Variants in ULK4 observed in about 807,000 individuals in gnomAD.
ULK4 encodes unc-51 like kinase 4.
A neutral mutation model predicts 160.6 loss-of-function variants in ULK4; 133 were observed. That is an observed-to-expected ratio of 0.83 (90% CI 0.72 to 0.96). The LOEUF (loss-of-function observed/expected upper bound fraction) is 0.96, where lower values mean the gene tolerates loss of function less well. ULK4 is among the 40% of genes least tolerant of loss of function. The pLI, the probability that ULK4 is intolerant of heterozygous loss-of-function variation, is 0.00. For synonymous variants in ULK4, 534 were observed against 539.8 expected, an observed-to-expected ratio of 0.99 and a Z score of 0.15; for missense variants, 1,580 against 1,499.5, an observed-to-expected ratio of 1.05 and a Z score of -0.89.
At chr3:41,261,702 CG>C (rs938947635) in intron 35 of ULK4, among the ~76,000 whole-genome samples, 4 of 152,144 alleles carry the variant, frequency 2.6e-5, no homozygotes, top group African/African-American at 9.7e-5. Flanking sequence ...AAGCAGGAAC[CG>C]CAGAATCTCT....
intron 30 of ULK4, among the ~76,000 whole-genome samples, chr3:41,646,449 T>G (rs917820008): frequency 1.3e-5 from 2 of 152,224 alleles, no homozygotes. Flanking sequence ...CCTTCACTTA[T>G]GAAGCTTAGT....
At chr3:41,377,121 G>T (rs2081520235) in intron 35 of ULK4, among the ~76,000 whole-genome samples, 1 of 152,140 alleles carries the variant, frequency 6.6e-6, no homozygotes, top group Non-Finnish European at 1.5e-5. Context: ...ACAAGAAATT[G>T]GGAAAGGATT....
intron 31 of ULK4, among the ~76,000 whole-genome samples, chr3:41,568,494 C>T (rs1056257608): frequency 6.6e-6 from 1 of 152,182 alleles, no homozygotes; most frequent in South Asian, 2.1e-4. Context: ...ATTTTACTAT[C>T]GATCTCATGC....
At chr3:41,708,497 G>A (rs1458035191) in intron 25 of ULK4, among the ~76,000 whole-genome samples, 2 of 152,146 alleles carry the variant, frequency 1.3e-5, no homozygotes, top group African/African-American at 4.8e-5. Context: ...GTAGAGAAGA[G>A]ATGGCAGTTA....
intron 34 of ULK4, among the ~76,000 whole-genome samples, chr3:41,449,149 C>A (rs781722205): frequency 1.3e-5 from 2 of 152,094 alleles, no homozygotes; most frequent in Non-Finnish European, 2.9e-5. Flanking sequence ...AACTCCTGAC[C>A]TCAAGTGATC....
chr3:41,329,832 GC>G (rs2080408544), intron 35 of ULK4, among the ~76,000 whole-genome samples: 1 of 152,072 alleles, frequency 6.6e-6, no homozygotes. Flanking sequence ...AAAAAATAAA[GC>G]TCTTCATAAG....
At chr3:41,903,148 G>C (rs189553605) in intron 12 of ULK4, among the ~76,000 whole-genome samples, 1 of 152,242 alleles carries the variant, frequency 6.6e-6, no homozygotes, top group Admixed American at 6.5e-5. Context: ...TTAACACTGA[G>C]GAGGAACTGC....
intron 16 of ULK4, among the ~76,000 whole-genome samples, chr3:41,886,373 T>C (rs1005121819): frequency 6.6e-6 from 1 of 152,122 alleles, no homozygotes; most frequent in African/African-American, 2.4e-5. Flanking sequence ...GAACAGTTTG[T>C]TGAATAAATA....
intron 30 of ULK4, among the ~76,000 whole-genome samples, chr3:41,631,068 T>G (rs2033721485): frequency 6.6e-6 from 1 of 152,220 alleles, no homozygotes; most frequent in Non-Finnish European, 1.5e-5. Context: ...TTTCATAATG[T>G]TTAGCTATGG....
Position 41,931,873 on chromosome 3 carries a change from A to G in ULK4, c.512T>C (p.Leu171Pro). The G allele has an allele frequency of 6.2e-7, 1 of 1,614,126 alleles. No homozygotes were observed. Among genetic ancestry groups the G allele is most frequent in the Non-Finnish European group, 8.5e-7 (1 of 1,180,008 alleles). Residue 171 changes from leucine (L) to proline (P), a missense_variant, in exon 5 of 37, where the codon CTG (leucine) becomes CCG (proline). Coordinates refer to ENST00000301831, the MANE Select transcript of ULK4 (RefSeq NM_017886.4). ...GACTCTACTTTTCATGCTTTTCTTC[A>G]GGACATTTTCCCCATTATCACCTCC... The part of the protein sequence containing the change: ...EGGGDNGENV[L>P]KKSMKSRVKG...
In ULK4 at chr3:41,717,846, G is replaced by GA; in HGVS notation, c.2336dup (p.Glu780ArgfsTer18). The GA allele has an allele frequency of 6.2e-7, 1 of 1,613,928 alleles. No homozygotes were observed. The highest frequency in any genetic ancestry group is 1.3e-5 in the African/African-American group (1 of 74,992). Reference sequence around the variant, plus strand: ...GAGTGGTCTTTCTGCTGTCTCTCTCGATGTACATCACCAGTCTACATACAG... The same window carrying GA: ...GAGTGGTCTTTCTGCTGTCTCTCTCGAATGTACATCACCAGTCTACATACAG... On this transcript the variant is annotated frameshift_variant, in exon 23 of 37. Coordinates refer to ENST00000301831, the MANE Select transcript of ULK4 (RefSeq NM_017886.4). LOFTEE classifies it high-confidence loss of function.
At chr3:41,522,680 A>G (rs1400954680) in intron 32 of ULK4, among the ~76,000 whole-genome samples, 2 of 152,200 alleles carry the variant, frequency 1.3e-5, no homozygotes, top group African/African-American at 4.8e-5. Flanking sequence ...AAGTCAGATG[A>G]TATGACAGAA....
chr3:41,485,570 C>T (rs2084497081), intron 32 of ULK4, among the ~76,000 whole-genome samples: 1 of 152,168 alleles, frequency 6.6e-6, no homozygotes, highest in Admixed American at 6.5e-5. Context: ...TATCCCATGA[C>T]AATCTTTTAC....
chr3:41,438,978 T>TAAA (rs10591684), intron 34 of ULK4, among the ~76,000 whole-genome samples: 2 of 134,566 alleles, frequency 1.5e-5, no homozygotes, highest in African/African-American at 2.7e-5. Flanking sequence ...CAGGAAAATT[T>TAAA]AAAAAAAAAA....
intron 32 of ULK4, among the ~76,000 whole-genome samples, chr3:41,542,046 A>G (rs2086712935): frequency 6.6e-6 from 1 of 152,226 alleles, no homozygotes; most frequent in South Asian, 2.1e-4. Context: ...AGAACTTCCA[A>G]TATTATGTTG....
chr3:41,475,064 C>G (rs975401300), intron 32 of ULK4, among the ~76,000 whole-genome samples: 1 of 152,088 alleles, frequency 6.6e-6, no homozygotes, highest in Non-Finnish European at 1.5e-5. Context: ...GCACTATTCA[C>G]AGTAGACAAG....
chr3:41,525,817 T>C (rs1050268171), intron 32 of ULK4, among the ~76,000 whole-genome samples: 2 of 152,214 alleles, frequency 1.3e-5, no homozygotes, highest in Non-Finnish European at 2.9e-5. Context: ...TCTGTAAAAA[T>C]ACTAATCATG....
intron 32 of ULK4, among the ~76,000 whole-genome samples, chr3:41,494,610 C>T (rs1326114723): frequency 3.9e-5 from 6 of 152,044 alleles, no homozygotes; most frequent in Admixed American, 6.6e-5. Context: ...AAATAAAGGG[C>T]ATTCAATTAG....
chr3:41,926,893 G>A (rs1559655181), intron 5 of ULK4, among the ~76,000 whole-genome samples: 1 of 152,198 alleles, frequency 6.6e-6, no homozygotes, highest in Non-Finnish European at 1.5e-5. Flanking sequence ...GAAAGTGATG[G>A]AGAGAATGGA....
Sources: allele counts gnomAD v4.1 joint callset (sites outside exome capture counted in the v4.1 genomes callset), GRCh38; gene constraint gnomAD v4.1.1; transcripts MANE v1.5; gene names NCBI Gene and HGNC (gene_info 2026-07-23, HGNC 2026-07-21).